SUMF1: variants seen among roughly 807,000 people sequenced by gnomAD.
The protein encoded by SUMF1 is sulfatase modifying factor 1.
A neutral mutation model predicts 47.6 loss-of-function variants in SUMF1; 48 were observed. That is an observed-to-expected ratio of 1.01 (90% CI 0.80 to 1.28). The LOEUF (loss-of-function observed/expected upper bound fraction) is 1.28, where lower values mean the gene tolerates loss of function less well. Ranked by LOEUF, SUMF1 falls within the 50% of genes most tolerant of loss-of-function variation. The pLI is 0.00. For missense variants in SUMF1, 571 were observed against 485.4 expected (o/e 1.18, Z -1.66); for synonymous variants, 230 against 192.1 (o/e 1.20, Z -1.63).
chr3:4,396,394 A>T (rs562205044), intron 7 of SUMF1, among the ~76,000 whole-genome samples: 9 of 152,350 alleles, frequency 5.9e-5, no homozygotes, highest in South Asian at 2.1e-4. Flanking sequence ...TTGCAAATAG[A>T]AAGTGTCTGC....
At chr3:4,107,044 G>A (rs140266841) in intron 8 of SUMF1, among the ~76,000 whole-genome samples, 6 of 152,164 alleles carry the variant, frequency 3.9e-5, no homozygotes, top group African/African-American at 1.2e-4. Flanking sequence ...TTCCTGTTGT[G>A]TTACCTCTTC....
intron 8 of SUMF1, among the ~76,000 whole-genome samples, chr3:4,232,852 C>T (rs929282236): frequency 6.6e-6 from 1 of 152,078 alleles, no homozygotes; most frequent in Non-Finnish European, 1.5e-5. Flanking sequence ...GTACTCAAAG[C>T]AAAAATGTCC....
At chr3:4,208,953 C>G (rs953919754) in intron 8 of SUMF1, among the ~76,000 whole-genome samples, 4 of 152,064 alleles carry the variant, frequency 2.6e-5, no homozygotes, top group African/African-American at 9.7e-5. Flanking sequence ...GGATATTGGT[C>G]TATAGTTTTC....
intron 8 of SUMF1, among the ~76,000 whole-genome samples, chr3:4,274,510 A>T (rs1262466361): frequency 6.6e-6 from 1 of 152,234 alleles, no homozygotes; most frequent in Non-Finnish European, 1.5e-5. Context: ...ATTCATCTGA[A>T]ATCAGCCAGG....
intron 8 of SUMF1, among the ~76,000 whole-genome samples, chr3:4,249,544 G>C (rs986664296): frequency 6.6e-6 from 1 of 152,040 alleles, no homozygotes; most frequent in Admixed American, 6.6e-5. Flanking sequence ...ATATAAGATG[G>C]CAAACTTAAT....
intron 8 of SUMF1, among the ~76,000 whole-genome samples, chr3:4,319,331 G>GAA (rs1309536967): frequency 6.6e-6 from 1 of 152,210 alleles, no homozygotes; most frequent in Middle Eastern, 3.2e-3. Flanking sequence ...ATGTTGCCAT[G>GAA]AAAGAAGTAT....
chr3:4,436,676 C>T (rs907577654), intron 3 of SUMF1, among the ~76,000 whole-genome samples: 27 of 150,482 alleles, frequency 1.8e-4, no homozygotes, highest in Non-Finnish European at 2.8e-4. Context: ...TAGCAATAAG[C>T]AATTGCAAAA....
At chr3:4,261,426 C>T (rs1022104462) in intron 8 of SUMF1, among the ~76,000 whole-genome samples, 9 of 152,174 alleles carry the variant, frequency 5.9e-5, no homozygotes, top group African/African-American at 2.2e-4. Context: ...AAATGTCTGC[C>T]TTTGATGCTT....
intron 8 of SUMF1, among the ~76,000 whole-genome samples, chr3:4,298,457 T>A (rs1053476125): frequency 6.6e-6 from 1 of 152,142 alleles, no homozygotes; most frequent in Non-Finnish European, 1.5e-5. Context: ...GCACAAAATA[T>A]CTTATTCTGG....
intron 8 of SUMF1, among the ~76,000 whole-genome samples, chr3:4,173,360 C>G (rs2587945): frequency 6.6e-6 from 1 of 152,152 alleles, no homozygotes; most frequent in East Asian, 1.9e-4. Context: ...GAATGGTGAT[C>G]GTTAAAATGT....
rs915254740 is a variant in SUMF1 at position 4,205,338 on chromosome 3, G to A, written c.1015-136593C>T. 2.6e-5 allele frequency among the ~76,000 whole-genome samples: 4 copies of A among 152,052 alleles called. No homozygotes were observed. In the East Asian group the frequency reaches 7.7e-4, roughly 29 times the overall value. On this transcript the variant is annotated intron_variant and NMD_transcript_variant, in intron 8 of 12. Coordinates refer to the SUMF1 transcript ENST00000448413. ...AACTAATGATAATCCACCACCTTTT[G>A]CTGACTGTCTTTTTGGACTCAGCCC...
intron 8 of SUMF1, among the ~76,000 whole-genome samples, chr3:4,081,700 G>A (rs1559454836): frequency 6.6e-6 from 1 of 152,124 alleles, no homozygotes; most frequent in African/African-American, 2.4e-5. Flanking sequence ...AGGGTTATGA[G>A]TGATAACTTG....
chr3:4,400,759 T>A (rs1442181797), intron 7 of SUMF1, among the ~76,000 whole-genome samples: 2 of 152,194 alleles, frequency 1.3e-5, no homozygotes, highest in African/African-American at 2.4e-5. Context: ...GCAAAGGATT[T>A]CACCCCCTGG....
chr3:4,143,644 T>G (rs1220539515), intron 8 of SUMF1, among the ~76,000 whole-genome samples: 1 of 152,178 alleles, frequency 6.6e-6, no homozygotes, highest in Non-Finnish European at 1.5e-5. Flanking sequence ...AATCTTGGAT[T>G]TGAGAATGTA....
At chr3:4,063,700 T>C (rs1389340765) in intron 9 of SUMF1, among the ~76,000 whole-genome samples, 1 of 152,140 alleles carries the variant, frequency 6.6e-6, no homozygotes, top group Non-Finnish European at 1.5e-5. Context: ...TATTTAGCCA[T>C]CCTGGTGGTC....
intron 3 of SUMF1, among the ~76,000 whole-genome samples, chr3:4,444,885 TA>T (rs1240154057): frequency 1.3e-5 from 2 of 152,156 alleles, no homozygotes; most frequent in Non-Finnish European, 2.9e-5. Flanking sequence ...TAGAGCTTCT[TA>T]AAGAAATGGC....
At chr3:4,245,277 T>C (rs1259643771) in intron 8 of SUMF1, among the ~76,000 whole-genome samples, 3 of 152,154 alleles carry the variant, frequency 2.0e-5, no homozygotes, top group Admixed American at 6.6e-5. Context: ...TTTGTTCCCT[T>C]GCTAGCGAGG....
At chr3:4,377,774 C>T (rs986870193) in intron 7 of SUMF1, among the ~76,000 whole-genome samples, 5 of 152,136 alleles carry the variant, frequency 3.3e-5, no homozygotes, top group Non-Finnish European at 5.9e-5. Flanking sequence ...AAGCCAGAAC[C>T]GTATCAGGGG....
chr3:4,357,141 T>C (rs17040478), downstream of SUMF1, among the ~76,000 whole-genome samples: 14,292 of 152,070 alleles, frequency 0.094, 898 homozygotes, highest in East Asian at 0.33. Flanking sequence ...GAAATACTGC[T>C]AATGGAATGT....
Sources: allele counts gnomAD v4.1 joint callset (sites outside exome capture counted in the v4.1 genomes callset), GRCh38; gene constraint gnomAD v4.1.1; transcripts MANE v1.5; gene names NCBI Gene and HGNC (gene_info 2026-07-23, HGNC 2026-07-21).